The following PDE4D variants were observed in gnomAD, a reference collection of about 807,000 sequenced individuals.
PDE4D encodes the protein 3',5'-cyclic-AMP phosphodiesterase 4D.
A neutral mutation model predicts 87.4 loss-of-function variants in PDE4D; 24 were observed. The ratio of observed to expected loss-of-function variants is 0.27; its 90% CI spans 0.20 to 0.39. PDE4D has a LOEUF of 0.39. PDE4D is among the 10% of genes least tolerant of loss of function. PDE4D has a pLI of 1.00. For synonymous variants in PDE4D, 384 were observed against 383.2 expected, an observed-to-expected ratio of 1.00 and a Z score of -0.02; for missense variants, 714 against 1,041.0, an observed-to-expected ratio of 0.69 and a Z score of 4.32.
At chr5:59,625,605 C>T (rs895203535) in intron 1 of PDE4D, among the ~76,000 whole-genome samples, 2 of 152,030 alleles carry the variant, frequency 1.3e-5, no homozygotes, top group African/African-American at 4.8e-5. Context: ...TAATTTATTG[C>T]TGCATCCTTC....
intron 5 of PDE4D, among the ~76,000 whole-genome samples, chr5:59,165,436 G>A (rs1781784716): frequency 6.6e-6 from 1 of 151,714 alleles, no homozygotes. Context: ...ACCATGTCTG[G>A]CTAATTTTTT....
At chr5:60,099,166 C>T (rs1775987549) in intron 2 of PDE4D, among the ~76,000 whole-genome samples, 1 of 151,940 alleles carries the variant, frequency 6.6e-6, no homozygotes, top group South Asian at 2.1e-4. Flanking sequence ...GAGAAATCTG[C>T]TTGTAGCCTT....
At chr5:60,143,768 C>T (rs140038150) in intron 2 of PDE4D, among the ~76,000 whole-genome samples, 447 of 152,134 alleles carry the variant, frequency 2.9e-3, no homozygotes, top group Middle Eastern at 6.8e-3. Flanking sequence ...AGATAATTCA[C>T]TAGTTTATCT....
chr5:59,189,287 T>C (rs2153483596), intron 3 of PDE4D, among the ~76,000 whole-genome samples: 1 of 147,846 alleles, frequency 6.8e-6, no homozygotes, highest in South Asian at 2.2e-4. Flanking sequence ...TTTGCTCTTG[T>C]TGCCCAGGAT....
At chr5:59,661,339 G>T (rs1361698512) in intron 1 of PDE4D, among the ~76,000 whole-genome samples, 1 of 152,018 alleles carries the variant, frequency 6.6e-6, no homozygotes, top group East Asian at 1.9e-4. Flanking sequence ...AAGTTAAGGG[G>T]CGAGACAGGG....
chr5:59,204,864 G>A (rs1460925421), intron 2 of PDE4D, among the ~76,000 whole-genome samples: 1 of 152,198 alleles, frequency 6.6e-6, no homozygotes, highest in Non-Finnish European at 1.5e-5. Context: ...TTAAAGGTCT[G>A]CATGTGGTGA....
intron 1 of PDE4D, among the ~76,000 whole-genome samples, chr5:59,370,139 G>C (rs73092988): frequency 1.8e-3 from 269 of 152,188 alleles, no homozygotes; most frequent in African/African-American, 6.2e-3. Flanking sequence ...TCCTTCCAAG[G>C]CTATTGCAGT....
chr5:60,294,924 A>G (rs1476746667), intron 1 of PDE4D, among the ~76,000 whole-genome samples: 2 of 152,098 alleles, frequency 1.3e-5, no homozygotes, highest in Non-Finnish European at 2.9e-5. Context: ...AGATTAAGAT[A>G]AATTTGAATA....
chr5:59,135,982 G>GA (rs34533703), intron 5 of PDE4D, among the ~76,000 whole-genome samples: 131,933 of 151,668 alleles, frequency 0.87, 57,720 homozygotes, highest in African/African-American at 0.9. Flanking sequence ...GAAACCATCT[G>GA]AAAGGATGAA....
intron 1 of PDE4D, among the ~76,000 whole-genome samples, chr5:59,658,374 T>C (rs1744711784): frequency 1.3e-5 from 2 of 152,044 alleles, no homozygotes; most frequent in South Asian, 4.2e-4. Flanking sequence ...GAACCCAAAA[T>C]GGAGAGCCAG....
intron 3 of PDE4D, among the ~76,000 whole-genome samples, chr5:59,916,992 G>A (rs551670173): frequency 1.4e-5 from 2 of 140,870 alleles, no homozygotes; most frequent in South Asian, 4.6e-4. Flanking sequence ...TTAGTAGAGA[G>A]GGGGTTTCAT....
At chr5:60,431,415 C>A (rs924292361) in intron 1 of PDE4D, among the ~76,000 whole-genome samples, 2 of 150,388 alleles carry the variant, frequency 1.3e-5, no homozygotes, top group Non-Finnish European at 3.0e-5. Context: ...CGGGTAGAGG[C>A]GCTCCTCACA....
rs1743329000 is a variant in PDE4D at position 58,974,890 on chromosome 5, T to C, written c.2204A>G (p.Gln735Arg). The change falls in exon 15 of 15, where the codon CAG becomes CGG. Residue 735 changes from glutamine to arginine, a missense_variant. By Grantham distance (43) the Gln-to-Arg change is conservative. This residue lies in a region of PDE4D where 90 missense variants were observed against 95.3 expected (regional missense o/e 0.94). Transcript: ENST00000340635. ...EGRQGQTEKF[Q>R]FELTLEEDGE... ...ATCTTCCTCTAAAGTTAGTTCAAAC[T>C]GGAATTTCTCAGTTTGACCCTGCCG... The C allele has an allele frequency of 6.2e-7, 1 of 1,612,512 alleles. No homozygotes were observed. The highest frequency in any genetic ancestry group is 8.5e-7 in the Non-Finnish European group (1 of 1,178,854).
At chr5:60,202,625 T>G (rs1400275098) in intron 1 of PDE4D, among the ~76,000 whole-genome samples, 1 of 151,296 alleles carries the variant, frequency 6.6e-6, no homozygotes. Context: ...TATGTCCCAG[T>G]AGAGAGAGAG....
At chr5:59,879,093 G>A (rs536940654) in intron 1 of PDE4D, among the ~76,000 whole-genome samples, 2 of 151,162 alleles carry the variant, frequency 1.3e-5, no homozygotes, top group Admixed American at 1.3e-4. Context: ...GTAGAGACGG[G>A]GTTTCACCAT....
intron 1 of PDE4D, among the ~76,000 whole-genome samples, chr5:59,404,492 C>T (rs1217973842): frequency 6.6e-6 from 1 of 151,992 alleles, no homozygotes; most frequent in East Asian, 1.9e-4. Context: ...AACCCTGTCT[C>T]AACTAAAAAT....
intron 3 of PDE4D, among the ~76,000 whole-genome samples, chr5:59,918,665 A>G (rs1561860154): frequency 6.6e-6 from 1 of 152,202 alleles, no homozygotes; most frequent in Non-Finnish European, 1.5e-5. Flanking sequence ...CGAACTGAGG[A>G]TGGCTTCTAA....
chr5:59,783,538 C>T (rs1293814447), intron 1 of PDE4D, among the ~76,000 whole-genome samples: 1 of 152,170 alleles, frequency 6.6e-6, no homozygotes, highest in Non-Finnish European at 1.5e-5. Flanking sequence ...CTTGGCTCTT[C>T]TCTCATGCTT....
intron 7 of PDE4D, among the ~76,000 whole-genome samples, chr5:58,992,810 A>C (rs577589721): frequency 3.9e-5 from 6 of 152,300 alleles, no homozygotes; most frequent in Admixed American, 1.3e-4. Flanking sequence ...TTTTGAAAGT[A>C]AGTCCAGGAT....
Sources: gnomAD v4.1 joint callset for allele counts (sites outside exome capture counted in the v4.1 genomes callset) on GRCh38, gnomAD v4.1.1 for gene constraint, gnomAD v4.1.1 regional missense constraint, MANE v1.5 for transcripts, NCBI Gene and HGNC (gene_info 2026-07-23, HGNC 2026-07-21) for gene names.